Variants in CPQ observed in about 807,000 individuals in gnomAD.
The protein encoded by CPQ is Ser-Met dipeptidase.
In CPQ, 37 loss-of-function variants were observed where a neutral mutation model predicts 45.7. The observed-to-expected ratio is 0.81, with a 90% CI of 0.62 to 1.07. The LOEUF is 1.07. CPQ is among the 50% of genes least tolerant of loss of function. The pLI, the probability that CPQ is intolerant of heterozygous loss-of-function variation, is 0.00. For synonymous variants in CPQ, 186 were observed against 205.8 expected (o/e 0.90, Z 0.82); for missense variants, 537 against 572.9 (o/e 0.94, Z 0.64).
intron 6 of CPQ, among the ~76,000 whole-genome samples, chr8:97,052,640 CT>C (rs1810382289): frequency 6.6e-6 from 1 of 152,130 alleles, no homozygotes; most frequent in Non-Finnish European, 1.5e-5. Context: ...ATATGGGAGT[CT>C]CATCTTTGAT....
At chr8:96,657,129 G>A (rs1037618469) in intron 1 of CPQ, among the ~76,000 whole-genome samples, 3 of 151,884 alleles carry the variant, frequency 2.0e-5, no homozygotes, top group Admixed American at 1.3e-4. Context: ...GGTGGATCAC[G>A]AGGTCAGGAG....
At chr8:96,946,127 C>T (rs186225509) in intron 4 of CPQ, among the ~76,000 whole-genome samples, 1 of 152,170 alleles carries the variant, frequency 6.6e-6, no homozygotes, top group Non-Finnish European at 1.5e-5. Flanking sequence ...TTATCCAGCT[C>T]CTCTTGCATT....
chr8:97,137,734 C>T (rs1423596610), intron 7 of CPQ, among the ~76,000 whole-genome samples: 7 of 152,192 alleles, frequency 4.6e-5, no homozygotes, highest in African/African-American at 7.2e-5. Context: ...TCGAGACCAT[C>T]GTGGTTAACA....
chr8:96,757,743 C>A (rs537371391), intron 1 of CPQ, among the ~76,000 whole-genome samples: 1 of 152,106 alleles, frequency 6.6e-6, no homozygotes, highest in African/African-American at 2.4e-5. Flanking sequence ...TGAGAAAACT[C>A]TTTTTAGAAG....
chr8:96,897,365 A>G (rs1397944441), intron 4 of CPQ, among the ~76,000 whole-genome samples: 1 of 152,172 alleles, frequency 6.6e-6, no homozygotes, highest in Non-Finnish European at 1.5e-5. Context: ...GGACTTTGAC[A>G]GTGACACCTA....
intron 7 of CPQ, among the ~76,000 whole-genome samples, chr8:97,132,479 G>C (rs1325064387): frequency 6.6e-6 from 1 of 152,142 alleles, no homozygotes; most frequent in African/African-American, 2.4e-5. Flanking sequence ...AAGAATGGGA[G>C]GTAGACAGGA....
intron 3 of CPQ, among the ~76,000 whole-genome samples, chr8:96,849,364 CACT>C (rs1308862134): frequency 6.6e-6 from 1 of 152,192 alleles, no homozygotes; most frequent in Non-Finnish European, 1.5e-5. Context: ...GGATCTCCAC[CACT>C]GTCTCCATGC....
At chr8:97,134,789 T>C (rs1812021033) in intron 7 of CPQ, among the ~76,000 whole-genome samples, 1 of 152,200 alleles carries the variant, frequency 6.6e-6, no homozygotes, top group Admixed American at 6.5e-5. Flanking sequence ...GACAAGTTAC[T>C]AAAATCTATT....
intron 5 of CPQ, among the ~76,000 whole-genome samples, chr8:96,993,304 G>A (rs1563548553): frequency 6.6e-6 from 1 of 152,090 alleles, no homozygotes; most frequent in Non-Finnish European, 1.5e-5. Context: ...AAAATATAGT[G>A]ATTACCAAAT....
chr8:97,101,725 A>G (rs1378901755), intron 7 of CPQ, among the ~76,000 whole-genome samples: 8 of 151,984 alleles, frequency 5.3e-5, no homozygotes. Context: ...TTACTATCCT[A>G]GAATCAAGGA....
intron 7 of CPQ, among the ~76,000 whole-genome samples, chr8:97,082,117 C>T (rs1033784974): frequency 2.0e-5 from 3 of 152,094 alleles, no homozygotes; most frequent in African/African-American, 4.8e-5. Flanking sequence ...AAGCAAGCCA[C>T]GGAAGGATAG....
At chr8:97,090,181 T>A (rs2130564495) in intron 7 of CPQ, among the ~76,000 whole-genome samples, 1 of 152,294 alleles carries the variant, frequency 6.6e-6, no homozygotes, top group Admixed American at 6.5e-5. Context: ...GAGACCTGGG[T>A]GAGTTCCAGG....
intron 5 of CPQ, among the ~76,000 whole-genome samples, chr8:96,970,272 A>G (rs1426049866): frequency 5.3e-5 from 8 of 152,138 alleles, no homozygotes; most frequent in Admixed American, 5.2e-4. Context: ...TACAAAAGAT[A>G]TCTCCTTTGG....
At chr8:96,843,669 T>C (rs114661988) in intron 3 of CPQ, among the ~76,000 whole-genome samples, 217 of 152,336 alleles carry the variant, frequency 1.4e-3, no homozygotes, top group African/African-American at 4.9e-3. Context: ...ACAGTAGTGC[T>C]GGAATAAATA....
At chr8:96,838,902 T>C (rs1811567856) in intron 3 of CPQ, among the ~76,000 whole-genome samples, 1 of 152,004 alleles carries the variant, frequency 6.6e-6, no homozygotes, top group African/African-American at 2.4e-5. Flanking sequence ...TGGAGGAAAA[T>C]ATTCAGATGC....
In CPQ at chr8:97,143,116, C is replaced by G; in HGVS notation, c.1352C>G (p.Ala451Gly). Residue 451 changes from alanine (A) to glycine (G), a missense_variant, in exon 8 of 8, where the codon GCT becomes GGT. By Grantham distance (60) the Ala-to-Gly change is moderately conservative (BLOSUM62 0). Transcript: ENST00000220763. ...TVMDPKQMNV[A>G]AAVWAVVSYV... ...ATGGATCCAAAGCAGATGAATGTTG[C>G]TGCTGCTGTTTGGGCTGTTGTTTCT... 1 of 1,613,920 alleles carries G rather than the reference C, an allele frequency of 6.2e-7. No homozygotes were observed. The highest frequency in any genetic ancestry group is 8.5e-7 in the Non-Finnish European group (1 of 1,179,866).
intron 5 of CPQ, among the ~76,000 whole-genome samples, chr8:97,003,659 T>G (rs1296715266): frequency 6.6e-6 from 1 of 152,186 alleles, no homozygotes; most frequent in African/African-American, 2.4e-5. Context: ...ATTTGATGAC[T>G]GAAGGGTTCC....
rs111938024 is a variant in CPQ, at chr8:96,865,061, T to C, written c.642-14737T>C. On this transcript the variant is annotated intron_variant, in intron 3 of 7. Transcript: ENST00000220763. ...TAATAAATTCTAAGTGACAAAATGT[T>C]AGGTGTTATTACTGACATTTATAAC... Among the ~76,000 whole-genome samples the C allele has an allele frequency of 7.9e-3, 1,198 of 152,100 alleles. 12 individuals are homozygous for C. Among genetic ancestry groups the C allele is most frequent in the African/African-American group, 0.027 (1,117 of 41,502 alleles).
chr8:96,837,544 T>C (rs1445769211), intron 3 of CPQ, among the ~76,000 whole-genome samples: 1 of 152,108 alleles, frequency 6.6e-6, no homozygotes, highest in African/African-American at 2.4e-5. Flanking sequence ...CTCTATTCCT[T>C]CCCTATATCT....
Sources: gnomAD v4.1 joint callset for allele counts (sites outside exome capture counted in the v4.1 genomes callset) on GRCh38, gnomAD v4.1.1 for gene constraint, MANE v1.5 for transcripts, NCBI Gene and HGNC (gene_info 2026-07-23, HGNC 2026-07-21) for gene names.